The following SPMIP7 variants were observed in gnomAD, a reference collection of about 807,000 sequenced individuals.
The protein encoded by SPMIP7 is sperm microtubule inner protein 7.
chr7:50,137,117 A>C, the SPMIP7 span, among the ~76,000 whole-genome samples: 1 of 152,164 alleles, frequency 6.6e-6, no homozygotes, highest in African/African-American at 2.4e-5. Flanking sequence ...TTCTTTGTCT[A>C]TAAACCCAGT....
the SPMIP7 span, among the ~76,000 whole-genome samples, chr7:50,125,297 C>T: frequency 1.6e-5 from 2 of 121,474 alleles, no homozygotes; most frequent in East Asian, 2.5e-4. Flanking sequence ...CATATATATA[C>T]ACATATATAT....
the SPMIP7 span, among the ~76,000 whole-genome samples, chr7:50,145,612 GTGTGTGTATATATATATATA>G: frequency 0.019 from 715 of 36,902 alleles, 76 homozygotes; most frequent in African/African-American, 0.074. Flanking sequence ...GTGTGTATAT[GTGTGTGTATATATATATATA>G]TATATATATA....
At chr7:50,135,326 A>G in the SPMIP7 span, among the ~76,000 whole-genome samples, 2 of 152,160 alleles carry the variant, frequency 1.3e-5, no homozygotes, top group Admixed American at 1.3e-4. Context: ...CCCATAATGA[A>G]GTTTTTGAGT....
At chr7:50,129,514 T>G in the SPMIP7 span, among the ~76,000 whole-genome samples, 1 of 152,072 alleles carries the variant, frequency 6.6e-6, no homozygotes, top group Non-Finnish European at 1.5e-5. Flanking sequence ...TTTTGTGAAT[T>G]TAATGATTAT....
the SPMIP7 span, among the ~76,000 whole-genome samples, chr7:50,157,000 A>G: frequency 6.6e-6 from 1 of 152,142 alleles, no homozygotes; most frequent in Non-Finnish European, 1.5e-5. Context: ...TTCTGACACC[A>G]GCAGTCAAGT....
the SPMIP7 span, among the ~76,000 whole-genome samples, chr7:50,136,899 A>G: frequency 6.6e-6 from 1 of 152,202 alleles, no homozygotes; most frequent in Non-Finnish European, 1.5e-5. Flanking sequence ...AATGTATAAG[A>G]ATATGACATA....
the SPMIP7 span, among the ~76,000 whole-genome samples, chr7:50,145,480 T>C: frequency 1.3e-5 from 2 of 149,546 alleles, no homozygotes; most frequent in African/African-American, 4.9e-5. Context: ...GGCAGATCTC[T>C]GTCCTTTCCC....
chr7:50,114,885 C>T, the SPMIP7 span, among the ~76,000 whole-genome samples: 3 of 151,912 alleles, frequency 2.0e-5, no homozygotes, highest in African/African-American at 7.3e-5. Flanking sequence ...CAAAAATTAG[C>T]CGGATGTAGT....
At chr7:50,124,923 A>G in the SPMIP7 span, among the ~76,000 whole-genome samples, 1 of 151,612 alleles carries the variant, frequency 6.6e-6, no homozygotes, top group Non-Finnish European at 1.5e-5. Flanking sequence ...ACATGGTGAA[A>G]CCCTGTCTCT....
the SPMIP7 span, among the ~76,000 whole-genome samples, chr7:50,102,323 CAAAT>C: frequency 6.6e-6 from 1 of 152,200 alleles, no homozygotes. Flanking sequence ...GACTGTGTCT[CAAAT>C]AAATAAATAA....
chr7:50,151,416 C>T, the SPMIP7 span: 2 of 1,416,640 alleles, frequency 1.4e-6, no homozygotes, highest in African/African-American at 1.4e-5. Context: ...ATTTTAATTT[C>T]CTCTTTTCCT....
At chr7:50,156,732 C>G in the SPMIP7 span, among the ~76,000 whole-genome samples, 1 of 151,974 alleles carries the variant, frequency 6.6e-6, no homozygotes, top group Admixed American at 6.6e-5. Flanking sequence ...TATTTCTGAG[C>G]TCTGAGTCCT....
the SPMIP7 span, among the ~76,000 whole-genome samples, chr7:50,144,388 A>G: frequency 6.6e-6 from 1 of 152,146 alleles, no homozygotes; most frequent in East Asian, 1.9e-4. Context: ...GTGTGCATGG[A>G]TAGGTGGAGT....
chr7:50,127,134 G>T, the SPMIP7 span, among the ~76,000 whole-genome samples: 2 of 151,804 alleles, frequency 1.3e-5, no homozygotes, highest in African/African-American at 4.8e-5. Flanking sequence ...TTCAACAAAG[G>T]CTCCAGGAAT....
At chr7:50,151,401 T>C in the SPMIP7 span, 1 of 1,353,670 alleles carries the variant, frequency 7.4e-7, no homozygotes, top group Admixed American at 2.1e-5. Context: ...ATTTCACAAA[T>C]CATCATTTTA....
chr7:50,122,454 A>T, the SPMIP7 span, among the ~76,000 whole-genome samples: 54 of 151,294 alleles, frequency 3.6e-4, 1 homozygote, highest in South Asian at 0.011. Flanking sequence ...ACCTAAAACC[A>T]TAAAAACCCT....
chr7:50,140,720 T>C, the SPMIP7 span, among the ~76,000 whole-genome samples: 1 of 152,240 alleles, frequency 6.6e-6, no homozygotes, highest in African/African-American at 2.4e-5. Context: ...GATCTGGACC[T>C]TTAGTCCTGG....
At chr7:50,116,243 G>T in the SPMIP7 span, among the ~76,000 whole-genome samples, 8 of 152,230 alleles carry the variant, frequency 5.3e-5, no homozygotes, top group African/African-American at 1.9e-4. Flanking sequence ...AGCCCCCCAG[G>T]TATCTGGGAC....
the SPMIP7 span, among the ~76,000 whole-genome samples, chr7:50,149,650 T>C: frequency 2.0e-5 from 3 of 152,248 alleles, no homozygotes; most frequent in African/African-American, 7.2e-5. Context: ...GCTGTTGCCA[T>C]AGATGTAATT....
Sources: allele counts gnomAD v4.1 joint callset (sites outside exome capture counted in the v4.1 genomes callset), GRCh38; gene constraint gnomAD v4.1.1; transcripts MANE v1.5; gene names NCBI Gene and HGNC (gene_info 2026-07-23, HGNC 2026-07-21).